Variants in CENPP observed in about 807,000 individuals in gnomAD.
CENPP encodes the protein centromere protein P.
Under a neutral mutation model 35.6 loss-of-function variants are expected in CENPP, and 24 were observed. The observed-to-expected ratio is 0.67, with a 90% CI of 0.49 to 0.95. The LOEUF (loss-of-function observed/expected upper bound fraction) is 0.95, where lower values mean the gene tolerates loss of function less well. CENPP is among the 40% of genes least tolerant of loss of function. The pLI, the probability that CENPP is intolerant of heterozygous loss-of-function variation, is 0.00. For synonymous variants in CENPP, 120 were observed against 125.5 expected (o/e 0.96, Z 0.29); for missense variants, 332 against 345.3 (o/e 0.96, Z 0.31).
Position 92,379,847 on chromosome 9 carries a change from T to A in CENPP, c.552T>A (p.Phe184Leu). The A allele has an allele frequency of 6.2e-7, 1 of 1,607,166 alleles. No homozygotes were observed. Among genetic ancestry groups the A allele is most frequent in the Non-Finnish European group, 8.5e-7 (1 of 1,173,742 alleles). The change falls in exon 5 of 8, where the codon TTT (phenylalanine) becomes TTA (leucine). Residue 184 changes from phenylalanine to leucine, a missense_variant. By Grantham distance (22) the Phe-to-Leu change is conservative (BLOSUM62 0). Transcript: ENST00000375587. ...GGTTTGAATATCGTAAGCGCACGTT[T>A]AAACATCTCAAGGTAAAGTCTGAAG... ...VEWFEYRKRT[F>L]KHLKEKYPDA...
At chr9:92,341,911 T>C (rs1841133011) in intron 3 of CENPP, among the ~76,000 whole-genome samples, 1 of 152,268 alleles carries the variant, frequency 6.6e-6, no homozygotes, top group African/African-American at 2.4e-5. Flanking sequence ...GAGATTATAC[T>C]GTTAGCTCAC....
intron 5 of CENPP, among the ~76,000 whole-genome samples, chr9:92,489,857 C>T (rs927432257): frequency 6.6e-6 from 1 of 152,194 alleles, no homozygotes; most frequent in South Asian, 2.1e-4. Flanking sequence ...GCAGGGTCCC[C>T]GCTGGACCCC....
At chr9:92,522,485 T>G in intron 5 of CENPP, 4 of 1,232,120 alleles carry the variant, frequency 3.2e-6, no homozygotes, top group Non-Finnish European at 3.3e-6. Flanking sequence ...CATGGAGATG[T>G]TCTCCCTCTC....
At chr9:92,400,980 C>T in intron 5 of CENPP, 1 of 569,588 alleles carries the variant, frequency 1.8e-6, no homozygotes, top group Non-Finnish European at 3.1e-6. Context: ...AAATAAAATT[C>T]CACTGTTTGT....
At chr9:92,368,379 A>G (rs568938459) in intron 4 of CENPP, among the ~76,000 whole-genome samples, 1 of 152,310 alleles carries the variant, frequency 6.6e-6, no homozygotes, top group East Asian at 1.9e-4. Context: ...TCTGGTACCA[A>G]TCATTTTTGG....
intron 5 of CENPP, among the ~76,000 whole-genome samples, chr9:92,504,450 G>A (rs1320675306): frequency 2.0e-5 from 3 of 152,170 alleles, no homozygotes; most frequent in Admixed American, 6.5e-5. Flanking sequence ...TAGGAGAAAC[G>A]GAGCTTAGTA....
intron 1 of CENPP, among the ~76,000 whole-genome samples, chr9:92,331,063 A>C (rs1756390423): frequency 6.6e-6 from 1 of 152,214 alleles, no homozygotes; most frequent in South Asian, 2.1e-4. Flanking sequence ...GGCCATAGTG[A>C]TGTTTAAAGA....
chr9:92,376,839 G>A (rs370117758), intron 4 of CENPP, among the ~76,000 whole-genome samples: 4 of 152,006 alleles, frequency 2.6e-5, no homozygotes, highest in Admixed American at 6.6e-5. Context: ...TCAGGAGTTC[G>A]AGACCAGCCT....
At chr9:92,445,755 A>G (rs1433164506) in intron 5 of CENPP, among the ~76,000 whole-genome samples, 2 of 151,928 alleles carry the variant, frequency 1.3e-5, no homozygotes, top group Admixed American at 1.3e-4. Flanking sequence ...GTGTTGGTAG[A>G]CACCTGTAAT....
intron 5 of CENPP, among the ~76,000 whole-genome samples, chr9:92,381,555 C>T (rs1434940349): frequency 6.6e-6 from 1 of 152,110 alleles, no homozygotes; most frequent in African/African-American, 2.4e-5. Flanking sequence ...AGCCCAGTGC[C>T]CTCCCCCTGC....
intron 5 of CENPP, among the ~76,000 whole-genome samples, chr9:92,551,431 A>G (rs1490318319): frequency 6.6e-6 from 1 of 152,126 alleles, no homozygotes; most frequent in African/African-American, 2.4e-5. Context: ...TCAACCTCCC[A>G]GGCTCAAACA....
Position 92,461,762 on chromosome 9 carries a change from T to A in CENPP, c.564+81903T>A, listed in dbSNP as rs370905479. On this transcript the variant is annotated intron_variant, in intron 5 of 7. Coordinates refer to ENST00000375587, the MANE Select transcript of CENPP (RefSeq NM_001012267.3). ...TGATGGATTTATTAGCTGGAATTCTTCTCTAAAGAATTTTCTTTCATTAAT... is the reference window on the plus strand; with the variant it reads ...TGATGGATTTATTAGCTGGAATTCTACTCTAAAGAATTTTCTTTCATTAAT... Among the ~76,000 whole-genome samples the A allele has an allele frequency of 2.6e-5, 4 of 152,334 alleles. No homozygotes were observed. In the East Asian group the frequency reaches 5.8e-4, roughly 22 times the overall value.
At position 92,521,547 on chromosome 9, in the gene CENPP, A is replaced by G. The variant is rs1297806809; in HGVS notation, c.565-89767A>G. Among the ~76,000 whole-genome samples the G allele has an allele frequency of 2.0e-5, 3 of 152,232 alleles. No homozygotes were observed. The East Asian group carries it at 5.8e-4, about 29-fold the overall frequency. Reference sequence around the variant, plus strand: ...AGACAATATATGAAATACTGGCCACAGAACATTATATGGTGATATTTTCTG... The same window carrying G: ...AGACAATATATGAAATACTGGCCACGGAACATTATATGGTGATATTTTCTG... On this transcript the variant is annotated intron_variant, in intron 5 of 7. Coordinates refer to ENST00000375587, the MANE Select transcript of CENPP (RefSeq NM_001012267.3).
chr9:92,463,385 G>A (rs867528042), intron 5 of CENPP, among the ~76,000 whole-genome samples: 4 of 152,222 alleles, frequency 2.6e-5, no homozygotes, highest in African/African-American at 9.6e-5. Flanking sequence ...TATTTAAGTT[G>A]AGAGATTTGA....
rs564951686 is a variant in CENPP at position 92,396,375 on chromosome 9, TAAAC to T, written c.564+16520_564+16523del. On this transcript the variant is annotated intron_variant, in intron 5 of 7. Coordinates refer to ENST00000375587, the MANE Select transcript of CENPP (RefSeq NM_001012267.3). The stretch of plus-strand genomic sequence containing the variant: ...TATATTTTAGAATCAGCTTGTTAAT[TAAAC>T]AAAAAAAAAACCTATTAGGATTTTG... 1.4e-3 allele frequency among the ~76,000 whole-genome samples: 216 copies of T among 151,096 alleles called. 8 individuals carry two copies. The South Asian group carries it at 0.044, about 31-fold the overall frequency.
chr9:92,448,155 T>G (rs1844599811), intron 5 of CENPP, among the ~76,000 whole-genome samples: 1 of 152,162 alleles, frequency 6.6e-6, no homozygotes, highest in Non-Finnish European at 1.5e-5. Context: ...ACTGCACAAA[T>G]GAAGACTGCA....
chr9:92,410,114 T>C (rs1843406359), intron 5 of CENPP, among the ~76,000 whole-genome samples: 1 of 152,054 alleles, frequency 6.6e-6, no homozygotes, highest in South Asian at 2.1e-4. Flanking sequence ...TTTTTTGTGT[T>C]TTTAGTAGAG....
intron 5 of CENPP, among the ~76,000 whole-genome samples, chr9:92,569,609 C>A (rs1025312640): frequency 1.3e-5 from 2 of 152,120 alleles, no homozygotes; most frequent in African/African-American, 4.8e-5. Context: ...TTTTCCAATT[C>A]TGTGAAGAAA....
rs546850217 is a variant in CENPP at position 92,330,523 on chromosome 9, A to G, written c.108-1647A>G. On this transcript the variant is annotated intron_variant, in intron 1 of 7. Coordinates refer to ENST00000375587, the MANE Select transcript of CENPP (RefSeq NM_001012267.3). ...AGAATTGGGATAATTATGCCCAAGAATCCAAGGAAGAGATGTTTTAAGCTG... is the reference window on the plus strand; with the variant it reads ...AGAATTGGGATAATTATGCCCAAGAGTCCAAGGAAGAGATGTTTTAAGCTG... Among the ~76,000 whole-genome samples, 5 of 152,308 alleles carry G rather than the reference A, an allele frequency of 3.3e-5. No homozygotes were observed. The South Asian group carries it at 1.0e-3, about 32-fold the overall frequency.
Sources: allele counts gnomAD v4.1 joint callset (sites outside exome capture counted in the v4.1 genomes callset), GRCh38; gene constraint gnomAD v4.1.1; transcripts MANE v1.5; gene names NCBI Gene and HGNC (gene_info 2026-07-23, HGNC 2026-07-21).